Variants in TSPEAR observed in about 807,000 individuals in gnomAD.
TSPEAR encodes the protein thrombospondin-type laminin G domain and EAR repeat-containing protein.
A neutral mutation model predicts 71.6 loss-of-function variants in TSPEAR; 69 were observed. The ratio of observed to expected loss-of-function variants is 0.96; its 90% CI spans 0.79 to 1.18. The LOEUF is 1.18. Among genes scored for constraint, TSPEAR ranks in the 50% most tolerant of loss-of-function variants. TSPEAR has a pLI of 0.00. For synonymous variants in TSPEAR, 402 were observed against 387.2 expected, an observed-to-expected ratio of 1.04 and a Z score of -0.45; for missense variants, 971 against 894.9, an observed-to-expected ratio of 1.09 and a Z score of -1.09.
intron 1 of TSPEAR, among the ~76,000 whole-genome samples, chr21:44,572,411 G>A (rs587649282): frequency 3.9e-5 from 6 of 152,242 alleles, no homozygotes; most frequent in South Asian, 2.1e-4. Flanking sequence ...GGCAAAGGGC[G>A]ATGTGAACCC....
At position 44,600,487 on chromosome 21, in the gene TSPEAR, G is replaced by C. The variant is rs1399480344; in HGVS notation, c.83-32482C>G. 7.5e-6 allele frequency: 8 copies of C among 1,071,100 alleles called. No homozygotes were observed. In the Admixed American group the frequency reaches 1.1e-4, roughly 15 times the overall value. 66.3% of individuals were successfully genotyped at this position (1,071,100 alleles called of 1,614,324 possible). On this transcript the variant is annotated intron_variant, in intron 1 of 11. Coordinates refer to ENST00000323084, the MANE Select transcript of TSPEAR (RefSeq NM_144991.3). The stretch of plus-strand genomic sequence containing the variant: ...CACAAACAAGGAAGGGGCAGGAGTT[G>C]TTGACACTCCAGCTGGGACAACAGA...
chr21:44,520,073 T>C lies in TSPEAR; in HGVS notation c.1566+1810A>G. On this transcript the variant is annotated intron_variant, in intron 9 of 11. Coordinates refer to ENST00000323084, the MANE Select transcript of TSPEAR (RefSeq NM_144991.3). The surrounding 1 kb of genome is among the most constrained non-coding windows in gnomAD (Gnocchi z 4.2). The stretch of plus-strand genomic sequence containing the variant: ...CTCCCAGGCACGCTCACCTGTTCCA[T>C]CCACAGCACTAGCGAGCTCAAGGTG... The C allele has an allele frequency of 6.6e-6, 1 of 152,538 alleles. No homozygotes were observed. The highest frequency in any genetic ancestry group is 1.5e-5 in the Non-Finnish European group (1 of 68,204). The allele number at this position is 152,538 out of a possible 1,614,324, so 9.4% of individuals were successfully genotyped here. A position where few individuals can be genotyped will look rare whatever the true frequency, so the allele number is the denominator to read the frequency against.
chr21:44,567,941 C>T lies in TSPEAR; in HGVS notation c.147G>A (p.Arg49=), dbSNP rs2146071573. ...CCCGTGCACCGTGAACCTGAACTAT[C>T]CTGATCCCGCTTGTGGCGCCATCAG... is the stretch of plus-strand genomic sequence containing the variant. ...VPSDGATSGI[R]IVQVHGARGL... The change falls in exon 2 of 12, where the codon AGG becomes AGA. Residue 49 remains arginine (R), a synonymous_variant. Transcript: ENST00000323084. The T allele has an allele frequency of 6.3e-7, 1 of 1,590,232 alleles. No individual in the cohort carries two copies.
Position 44,521,743 on chromosome 21 carries a change from G to A in TSPEAR, c.1566+140C>T, listed in dbSNP as rs587708923. The A allele has an allele frequency of 4.1e-5, 31 of 763,582 alleles. No homozygotes were observed. The South Asian group carries it at 4.4e-4, about 11-fold the overall frequency. 47.3% of individuals were successfully genotyped at this position (763,582 alleles called of 1,614,324 possible). A position where few individuals can be genotyped will look rare whatever the true frequency, so the allele number is the denominator to read the frequency against. ...CCGTCCAGAGGAGCAGGCCCTGCCTGGGTTTTGGGGTCACGGGTGCAGAGC... is the reference window on the plus strand; with the variant it reads ...CCGTCCAGAGGAGCAGGCCCTGCCTAGGTTTTGGGGTCACGGGTGCAGAGC... On this transcript the variant is annotated intron_variant, in intron 9 of 11. Coordinates refer to ENST00000323084, the MANE Select transcript of TSPEAR (RefSeq NM_144991.3).
At chr21:44,509,666 A>G (rs2052310680) in intron 9 of TSPEAR, among the ~76,000 whole-genome samples, 1 of 152,152 alleles carries the variant, frequency 6.6e-6, no homozygotes, top group East Asian at 1.9e-4. Flanking sequence ...GGCACAGCCC[A>G]GTGCCCGCTG....
chr21:44,658,197 C>T lies in TSPEAR; in HGVS notation c.82+53236G>A, dbSNP rs782406301. The T allele has an allele frequency of 2.0e-5, 32 of 1,613,990 alleles. 1 individual carries two copies. The highest frequency in any genetic ancestry group is 8.8e-5 in the South Asian group (8 of 91,086). On this transcript the variant is annotated intron_variant, in intron 1 of 11. Transcript: ENST00000323084. ...TATGTGACTCCCTCTTGCCAATCTT[C>T]GGGGTGCTGCCAGCCCCCCTGCACC...
At position 44,567,891 on chromosome 21, in the gene TSPEAR, G is replaced by A. The variant is rs144920875; in HGVS notation, c.197C>T (p.Pro66Leu). The change falls in exon 2 of 12, where the codon CCC becomes CTC. Residue 66 changes from proline (P) to leucine (L), a missense_variant. By Grantham distance (98) the Pro-to-Leu change is moderately conservative. Transcript: ENST00000323084. ...ARGLQLSVAA[P>L]RTMSFPASRI... The stretch of plus-strand genomic sequence containing the variant: ...GGATGCTGGGAAGCTCATGGTGCGG[G>A]GGGCGGCTACTGAGAGCTGGAGTCC... The A allele has an allele frequency of 6.2e-6, 10 of 1,608,468 alleles. No individual in the cohort carries two copies. The highest frequency in any genetic ancestry group is 2.2e-5 in the East Asian group (1 of 44,740).
intron 1 of TSPEAR, chr21:44,591,909 C>G (rs1555926723): frequency 2.5e-6 from 4 of 1,604,846 alleles, no homozygotes; most frequent in Non-Finnish European, 3.4e-6. Flanking sequence ...AGGGGCTGGG[C>G]TCACAGACCG....
chr21:44,588,573 T>A (rs233291), intron 1 of TSPEAR, among the ~76,000 whole-genome samples: 137,451 of 151,590 alleles, frequency 0.91, 62,342 homozygotes, highest in Admixed American at 0.92. Context: ...AGATACTTGC[T>A]CACGCATGTT....
At chr21:44,639,881 G>A (rs887465558) in intron 1 of TSPEAR, among the ~76,000 whole-genome samples, 1 of 152,228 alleles carries the variant, frequency 6.6e-6, no homozygotes, top group Non-Finnish European at 1.5e-5. Flanking sequence ...ATACCTCCTG[G>A]TGGGGGGTCT....
At chr21:44,515,397 T>G (rs1271430545) in intron 9 of TSPEAR, 1 of 152,396 alleles carries the variant, frequency 6.6e-6, no homozygotes, top group Non-Finnish European at 1.5e-5. Flanking sequence ...CAGGTCCCCG[T>G]TCCCGGAGTT....
chr21:44,620,312 T>G (rs1982361899), intron 1 of TSPEAR, among the ~76,000 whole-genome samples: 1 of 152,146 alleles, frequency 6.6e-6, no homozygotes, highest in Admixed American at 6.5e-5. Flanking sequence ...TTACAAGAAA[T>G]GCTATTTCAG....
chr21:44,634,398 A>G (rs1286478768), intron 1 of TSPEAR, among the ~76,000 whole-genome samples: 1 of 152,242 alleles, frequency 6.6e-6, no homozygotes, highest in Non-Finnish European at 1.5e-5. Context: ...GAAACATAAG[A>G]GTAAATATGT....
intron 1 of TSPEAR, among the ~76,000 whole-genome samples, chr21:44,614,689 G>A (rs456019): frequency 0.84 from 128,165 of 152,208 alleles, 55,402 homozygotes; most frequent in Non-Finnish European, 0.94. Context: ...AATGAGACAC[G>A]CAGAGCAAGA....
At chr21:44,596,976 A>G (rs1222026562) in intron 1 of TSPEAR, among the ~76,000 whole-genome samples, 1 of 152,104 alleles carries the variant, frequency 6.6e-6, no homozygotes, top group Non-Finnish European at 1.5e-5. Flanking sequence ...TGCAATTTAA[A>G]AATTTTTACA....
At chr21:44,634,886 T>C (rs1314694397) in intron 1 of TSPEAR, among the ~76,000 whole-genome samples, 4 of 152,174 alleles carry the variant, frequency 2.6e-5, no homozygotes, top group African/African-American at 7.2e-5. Context: ...AACTGGAATG[T>C]TTGTACATTG....
intron 1 of TSPEAR, among the ~76,000 whole-genome samples, chr21:44,589,261 T>C (rs1555926075): frequency 6.6e-6 from 1 of 152,206 alleles, no homozygotes; most frequent in Non-Finnish European, 1.5e-5. Flanking sequence ...CCTGTGTCAG[T>C]ATTGGATTCC....
At chr21:44,601,725 C>G in intron 1 of TSPEAR, 1 of 1,610,648 alleles carries the variant, frequency 6.2e-7, no homozygotes, top group Non-Finnish European at 8.5e-7. Context: ...CCCAGAAGTC[C>G]AGCTGCTGAG....
rs373442610 is a variant in TSPEAR at position 44,505,868 on chromosome 21, C to T, written c.1755-987G>A. On this transcript the variant is annotated intron_variant, in intron 10 of 11. Transcript: ENST00000323084. Reference sequence around the variant, plus strand: ...ACTGTGAATGCTGCTGCTATGAACACCGGGGTACAAAAGTCCACTTTTAAG... The same window carrying T: ...ACTGTGAATGCTGCTGCTATGAACATCGGGGTACAAAAGTCCACTTTTAAG... Among the ~76,000 whole-genome samples, 24 of 152,194 alleles carry T rather than the reference C, an allele frequency of 1.6e-4. No homozygotes were observed. The East Asian group carries it at 2.9e-3, about 18-fold the overall frequency.
Sources: allele counts gnomAD v4.1 joint callset (sites outside exome capture counted in the v4.1 genomes callset), GRCh38; gene constraint gnomAD v4.1.1; non-coding constraint Gnocchi (gnomAD v3.1); transcripts MANE v1.5; gene names NCBI Gene and HGNC (gene_info 2026-07-23, HGNC 2026-07-21).